Variants in AGBL4 observed in about 807,000 individuals in gnomAD.
The protein encoded by AGBL4 is AGBL carboxypeptidase 4.
Under a neutral mutation model 66.4 loss-of-function variants are expected in AGBL4, and 58 were observed. That is an observed-to-expected ratio of 0.87 (90% CI 0.71 to 1.09). AGBL4 has a LOEUF of 1.09. AGBL4 is among the 50% of genes least tolerant of loss of function. AGBL4 has a pLI of 0.00. For synonymous variants in AGBL4, 234 were observed against 222.9 expected, an observed-to-expected ratio of 1.05 and a Z score of -0.44; for missense variants, 579 against 631.0, an observed-to-expected ratio of 0.92 and a Z score of 0.88.
At chr1:49,632,522 T>G (rs916779381) in intron 3 of AGBL4, among the ~76,000 whole-genome samples, 3 of 152,178 alleles carry the variant, frequency 2.0e-5, no homozygotes, top group African/African-American at 7.2e-5. Flanking sequence ...GATTCTGTAT[T>G]TGGAAGCTCA....
chr1:48,529,256 G>T (rs34045604), downstream of AGBL4, among the ~76,000 whole-genome samples: 11 of 151,832 alleles, frequency 7.2e-5, no homozygotes, highest in East Asian at 2.1e-3. Flanking sequence ...CTGTCTGTAC[G>T]TCATCTGGGG....
At chr1:49,136,740 GA>G (rs1371272426) in intron 4 of AGBL4, among the ~76,000 whole-genome samples, 2 of 152,050 alleles carry the variant, frequency 1.3e-5, no homozygotes, top group East Asian at 3.9e-4. Flanking sequence ...TGTTTTTAAT[GA>G]AAAAACATAA....
At chr1:49,981,524 A>G (rs1377363948) in intron 1 of AGBL4, among the ~76,000 whole-genome samples, 1 of 151,920 alleles carries the variant, frequency 6.6e-6, no homozygotes, top group Non-Finnish European at 1.5e-5. Flanking sequence ...AACTAAAAAT[A>G]TTTAATATAT....
chr1:48,548,743 CAA>C (rs1269327394), intron 11 of AGBL4, among the ~76,000 whole-genome samples: 1 of 152,214 alleles, frequency 6.6e-6, no homozygotes, highest in Non-Finnish European at 1.5e-5. Context: ...TTCTCAGACA[CAA>C]TAACCCACTT....
intron 5 of AGBL4, among the ~76,000 whole-genome samples, chr1:49,011,666 T>C (rs1313474217): frequency 6.6e-6 from 1 of 151,940 alleles, no homozygotes; most frequent in Non-Finnish European, 1.5e-5. Flanking sequence ...ATTAAGAAAA[T>C]GTGGCACATG....
At chr1:48,707,340 TA>T (rs2148513493) in intron 6 of AGBL4, among the ~76,000 whole-genome samples, 1 of 152,050 alleles carries the variant, frequency 6.6e-6, no homozygotes, top group African/African-American at 2.4e-5. Flanking sequence ...GAAAAAGACT[TA>T]AGTCTTGGCC....
intron 2 of AGBL4, among the ~76,000 whole-genome samples, chr1:49,762,292 T>C (rs1226224186): frequency 6.6e-6 from 1 of 152,194 alleles, no homozygotes; most frequent in Non-Finnish European, 1.5e-5. Context: ...GGTACCTCAG[T>C]ATAATTTTGA....
At chr1:49,309,897 T>G (rs933141365) in intron 3 of AGBL4, among the ~76,000 whole-genome samples, 1 of 152,074 alleles carries the variant, frequency 6.6e-6, no homozygotes, top group South Asian at 2.1e-4. Flanking sequence ...TCAACTTAAA[T>G]GTTATTTTTT....
chr1:48,761,912 T>G (rs770211111), intron 6 of AGBL4, among the ~76,000 whole-genome samples: 3 of 152,144 alleles, frequency 2.0e-5, no homozygotes, highest in Non-Finnish European at 2.9e-5. Context: ...CAAGTGCCAA[T>G]AGACATGAGA....
chr1:48,694,635 C>T (rs1646686669), intron 6 of AGBL4, among the ~76,000 whole-genome samples: 1 of 152,084 alleles, frequency 6.6e-6, no homozygotes, highest in South Asian at 2.1e-4. Context: ...AGAATTGCTT[C>T]CTCTTTCCCT....
chr1:49,358,187 G>A lies in AGBL4; in HGVS notation c.283-112323C>T, dbSNP rs902067864. 3.9e-5 allele frequency among the ~76,000 whole-genome samples: 6 copies of A among 152,218 alleles called. No homozygotes were observed. The South Asian group carries it at 1.2e-3, about 32-fold the overall frequency. On this transcript the variant is annotated intron_variant, in intron 3 of 13. Coordinates refer to ENST00000371839, the MANE Select transcript of AGBL4 (RefSeq NM_032785.4). ...AAACCAACCCATTAAGGCCCCACCT[G>A]GGTTTTATCAGACCCTAAAATCTAA... is the stretch of plus-strand genomic sequence containing the variant.
chr1:48,887,625 A>T (rs901677821), intron 5 of AGBL4, among the ~76,000 whole-genome samples: 1 of 152,154 alleles, frequency 6.6e-6, no homozygotes, highest in African/African-American at 2.4e-5. Context: ...AATGAGGCAG[A>T]GTCAGTATTT....
intron 3 of AGBL4, among the ~76,000 whole-genome samples, chr1:49,510,610 G>T (rs1487114097): frequency 1.3e-5 from 2 of 151,366 alleles, no homozygotes; most frequent in African/African-American, 4.8e-5. Flanking sequence ...TGTCAATTTT[G>T]TCTTTGGTTG....
chr1:49,296,116 T>TA (rs1034642395), intron 3 of AGBL4, among the ~76,000 whole-genome samples: 5 of 152,112 alleles, frequency 3.3e-5, no homozygotes, highest in South Asian at 2.1e-4. Flanking sequence ...GTATCTTTAA[T>TA]AAAAAAATGC....
intron 4 of AGBL4, among the ~76,000 whole-genome samples, chr1:49,139,299 C>T (rs747009088): frequency 1.2e-4 from 18 of 152,146 alleles, no homozygotes; most frequent in Non-Finnish European, 2.4e-4. Flanking sequence ...ACCTTGGAAT[C>T]CAGGGGTCAT....
intron 4 of AGBL4, among the ~76,000 whole-genome samples, chr1:49,163,586 A>AT (rs1646578350): frequency 6.6e-6 from 1 of 152,180 alleles, no homozygotes; most frequent in Non-Finnish European, 1.5e-5. Context: ...TTTTGTTCAA[A>AT]TTTTAAAGGC....
chr1:48,835,378 T>C (rs1259509797), intron 6 of AGBL4, among the ~76,000 whole-genome samples: 3 of 152,164 alleles, frequency 2.0e-5, no homozygotes, highest in Non-Finnish European at 2.9e-5. Flanking sequence ...CTGGAACTTA[T>C]AGGCTAGTGG....
intron 3 of AGBL4, among the ~76,000 whole-genome samples, chr1:49,631,926 A>C (rs1213746834): frequency 6.6e-6 from 1 of 152,176 alleles, no homozygotes; most frequent in Non-Finnish European, 1.5e-5. Flanking sequence ...AGCAACCTAC[A>C]GGATGTATGG....
intron 3 of AGBL4, among the ~76,000 whole-genome samples, chr1:49,581,320 C>G (rs1644537584): frequency 1.3e-5 from 2 of 151,916 alleles, no homozygotes; most frequent in African/African-American, 4.8e-5. Flanking sequence ...AAAATCAATA[C>G]TTTGAGTTAT....
Sources: allele counts gnomAD v4.1 joint callset (sites outside exome capture counted in the v4.1 genomes callset), GRCh38; gene constraint gnomAD v4.1.1; transcripts MANE v1.5; gene names NCBI Gene and HGNC (gene_info 2026-07-23, HGNC 2026-07-21).